CSMD1: variants seen among roughly 807,000 people sequenced by gnomAD.
CSMD1 encodes CUB and sushi domain-containing protein 1.
In CSMD1, 213 loss-of-function variants were observed where a neutral mutation model predicts 417.5. The ratio of observed to expected loss-of-function variants is 0.51; its 90% CI spans 0.46 to 0.57. The LOEUF is 0.57. Ranked by LOEUF, CSMD1 falls within the 20% of genes least tolerant of loss-of-function variation. CSMD1 has a pLI of 0.00. For synonymous variants in CSMD1, 2,862 were observed against 1,736.8 expected (o/e 1.65, Z -16.11); for missense variants, 6,923 against 4,529.7 (o/e 1.53, Z -15.17).
chr8:4,254,850 T>A (rs1402355651), intron 3 of CSMD1, among the ~76,000 whole-genome samples: 1 of 152,096 alleles, frequency 6.6e-6, no homozygotes, highest in African/African-American at 2.4e-5. Context: ...ATCTAGGTGG[T>A]CATATGCACA....
chr8:3,797,846 G>A (rs1800243636), intron 5 of CSMD1, among the ~76,000 whole-genome samples: 1 of 151,944 alleles, frequency 6.6e-6, no homozygotes, highest in African/African-American at 2.4e-5. Context: ...ATTGTTCTAA[G>A]GTGATTGTAC....
chr8:4,326,543 T>C (rs1002379478), intron 3 of CSMD1, among the ~76,000 whole-genome samples: 1 of 152,090 alleles, frequency 6.6e-6, no homozygotes, highest in African/African-American at 2.4e-5. Flanking sequence ...TAATCAAAGG[T>C]GGGCATAAAG....
intron 3 of CSMD1, among the ~76,000 whole-genome samples, chr8:4,217,492 C>T (rs1173962153): frequency 6.6e-6 from 1 of 152,060 alleles, no homozygotes; most frequent in African/African-American, 2.4e-5. Flanking sequence ...GGTCACATGA[C>T]TCGTCCCTGG....
At chr8:3,460,714 AG>A (rs139749982) in intron 12 of CSMD1, among the ~76,000 whole-genome samples, 16 of 152,352 alleles carry the variant, frequency 1.1e-4, no homozygotes, top group Admixed American at 5.9e-4. Flanking sequence ...GTCGCTAAGA[AG>A]AAATAACACA....
intron 4 of CSMD1, among the ~76,000 whole-genome samples, chr8:4,026,483 C>G (rs769177652): frequency 6.6e-6 from 1 of 152,214 alleles, no homozygotes; most frequent in Non-Finnish European, 1.5e-5. Context: ...TTTAAAGATC[C>G]TCCAATTAAG....
At chr8:4,370,218 A>G (rs2128912463) in intron 3 of CSMD1, among the ~76,000 whole-genome samples, 1 of 151,968 alleles carries the variant, frequency 6.6e-6, no homozygotes, top group South Asian at 2.1e-4. Flanking sequence ...GTTTGGTGAG[A>G]TACGAAATTC....
chr8:3,924,573 G>C (rs1006721232), intron 5 of CSMD1, among the ~76,000 whole-genome samples: 3 of 152,092 alleles, frequency 2.0e-5, no homozygotes, highest in South Asian at 2.1e-4. Flanking sequence ...TTTTGTCCCT[G>C]TGACTGGATA....
At chr8:4,975,162 G>A (rs758071723) in intron 1 of CSMD1, among the ~76,000 whole-genome samples, 1 of 152,066 alleles carries the variant, frequency 6.6e-6, no homozygotes, top group Non-Finnish European at 1.5e-5. Context: ...AATTAAGAGG[G>A]AACCAAGGTC....
rs1281131258 is a variant in CSMD1 at position 4,266,339 on chromosome 8, A to G, written c.415+153614T>C. Reference sequence around the variant, plus strand: ...GTCTTAGAAACAGTTGATTTTGGAGAAAAACAAACACAACTTTTTAATATT... The same window carrying G: ...GTCTTAGAAACAGTTGATTTTGGAGGAAAACAAACACAACTTTTTAATATT... On this transcript the variant is annotated intron_variant, in intron 3 of 69. Coordinates refer to ENST00000635120, the MANE Select transcript of CSMD1 (RefSeq NM_033225.6). Among the ~76,000 whole-genome samples, 18 of 105,416 alleles carry G rather than the reference A, an allele frequency of 1.7e-4. 3 individuals carry two copies. The highest frequency in any genetic ancestry group is 4.7e-4 in the African/African-American group (18 of 38,584). 69.2% of individuals were successfully genotyped at this position (105,416 alleles called of 152,430 possible). A position where few individuals can be genotyped will look rare whatever the true frequency, so the allele number is the denominator to read the frequency against.
chr8:3,941,004 G>T (rs1336775908), intron 5 of CSMD1, among the ~76,000 whole-genome samples: 1 of 151,188 alleles, frequency 6.6e-6, no homozygotes, highest in Non-Finnish European at 1.5e-5. Context: ...AGGCATAATA[G>T]ATGTACATAT....
chr8:3,782,211 A>C (rs956786642), intron 5 of CSMD1, among the ~76,000 whole-genome samples: 2 of 152,218 alleles, frequency 1.3e-5, no homozygotes, highest in African/African-American at 4.8e-5. Context: ...ACGGTGCGGC[A>C]TAGGACAGAA....
At chr8:3,571,198 T>C (rs1051014726) in intron 10 of CSMD1, among the ~76,000 whole-genome samples, 1 of 152,182 alleles carries the variant, frequency 6.6e-6, no homozygotes, top group African/African-American at 2.4e-5. Flanking sequence ...TTTCTTGGAC[T>C]ATATTCTGCT....
chr8:3,514,427 G>C (rs935285226), intron 10 of CSMD1, among the ~76,000 whole-genome samples: 1 of 152,180 alleles, frequency 6.6e-6, no homozygotes, highest in Non-Finnish European at 1.5e-5. Context: ...TCTTGCAAAT[G>C]TGGTGTTATC....
At chr8:3,551,128 G>C (rs558284794) in intron 10 of CSMD1, among the ~76,000 whole-genome samples, 10 of 152,248 alleles carry the variant, frequency 6.6e-5, no homozygotes, top group Non-Finnish European at 1.0e-4. Context: ...TTGTGATTCA[G>C]TTTTCTTATC....
Position 4,780,381 on chromosome 8 carries a change from G to C in CSMD1, c.86-142823C>G, listed in dbSNP as rs376458696. ...AGCAGGTGTGATTTAAAAATCAGTG[G>C]AACTCAAGGCAGTTCATTCTGATTG... On this transcript the variant is annotated intron_variant, in intron 1 of 69. Coordinates refer to ENST00000635120, the MANE Select transcript of CSMD1 (RefSeq NM_033225.6). Among the ~76,000 whole-genome samples the C allele has an allele frequency of 1.6e-4, 24 of 152,168 alleles. No homozygotes were observed. The East Asian group carries it at 4.5e-3, about 28-fold the overall frequency.
intron 1 of CSMD1, among the ~76,000 whole-genome samples, chr8:4,993,457 AG>A (rs1364559395): frequency 6.6e-6 from 1 of 152,156 alleles, no homozygotes; most frequent in Non-Finnish European, 1.5e-5. Context: ...AGAATAAACA[AG>A]TACACAAGCT....
chr8:4,531,402 G>C (rs559405397), intron 2 of CSMD1, among the ~76,000 whole-genome samples: 1 of 152,166 alleles, frequency 6.6e-6, no homozygotes, highest in Non-Finnish European at 1.5e-5. Flanking sequence ...CAGATGATTT[G>C]GGTTTTAATC....
chr8:3,049,472 A>C (rs1811670025), intron 50 of CSMD1, among the ~76,000 whole-genome samples: 1 of 152,284 alleles, frequency 6.6e-6, no homozygotes, highest in Non-Finnish European at 1.5e-5. Flanking sequence ...AAGTGAAAGA[A>C]GCCAATCTGA....
At chr8:4,444,676 T>C (rs986552074) in intron 2 of CSMD1, among the ~76,000 whole-genome samples, 2 of 152,160 alleles carry the variant, frequency 1.3e-5, no homozygotes, top group African/African-American at 4.8e-5. Flanking sequence ...GATGACATGT[T>C]GAAAACATCA....
Sources: gnomAD v4.1 joint callset for allele counts (sites outside exome capture counted in the v4.1 genomes callset) on GRCh38, gnomAD v4.1.1 for gene constraint, MANE v1.5 for transcripts, NCBI Gene and HGNC (gene_info 2026-07-23, HGNC 2026-07-21) for gene names.